The following PARD3 variants were observed in gnomAD, a reference collection of about 807,000 sequenced individuals.
PARD3 encodes par-3 family cell polarity regulator.
PARD3 carries 75 observed loss-of-function variants against 155.4 expected under a neutral mutation model. The ratio of observed to expected loss-of-function variants is 0.48; its 90% confidence interval spans 0.40 to 0.58. The LOEUF (loss-of-function observed/expected upper bound fraction) is 0.58, where lower values mean the gene tolerates loss of function less well. PARD3 is among the 20% of genes least tolerant of loss of function. PARD3 has a pLI of 0.00. For missense variants in PARD3, 1,642 were observed against 1,721.7 expected (o/e 0.95, Z 0.82); for synonymous variants, 576 against 610.5 (o/e 0.94, Z 0.83).
At chr10:34,488,092 T>C (rs1285634927) in intron 3 of PARD3, among the ~76,000 whole-genome samples, 3 of 152,270 alleles carry the variant, frequency 2.0e-5, no homozygotes, top group South Asian at 2.1e-4. Context: ...GCCAATTTCA[T>C]TTGCCAGTTT....
At chr10:34,644,933 A>G (rs1289131880) in intron 2 of PARD3, among the ~76,000 whole-genome samples, 1 of 152,174 alleles carries the variant, frequency 6.6e-6, no homozygotes, top group Non-Finnish European at 1.5e-5. Context: ...GGCCCACTTC[A>G]GCCTTGAACT....
At chr10:34,758,461 G>A (rs1015748797) in intron 1 of PARD3, among the ~76,000 whole-genome samples, 2 of 152,170 alleles carry the variant, frequency 1.3e-5, no homozygotes, top group African/African-American at 2.4e-5. Flanking sequence ...ATAACCATCT[G>A]CAGAAGAGCA....
intron 5 of PARD3, among the ~76,000 whole-genome samples, chr10:34,432,041 C>CAAAGAAA (rs2075953260): frequency 4.6e-5 from 1 of 21,596 alleles, no homozygotes; most frequent in African/African-American, 1.2e-4. Flanking sequence ...GACTCTGTCT[C>CAAAGAAA]AAAAAAAAAA....
In PARD3 at chr10:34,790,349, A is replaced by G. The variant is rs140406462; in HGVS notation, c.120+24527T>C. On this transcript the variant is annotated intron_variant, in intron 1 of 24. Coordinates refer to ENST00000374788, the MANE Select transcript of PARD3 (RefSeq NM_001184785.2). Reference sequence around the variant, plus strand: ...GAACAGTAATGACGCTGATGCAGAAACAAGAGGAAAAAATATGCTAAAATT... The same window carrying G: ...GAACAGTAATGACGCTGATGCAGAAGCAAGAGGAAAAAATATGCTAAAATT... Among the ~76,000 whole-genome samples the G allele has an allele frequency of 3.0e-4, 46 of 152,338 alleles. No individual in the cohort carries two copies. The East Asian group carries it at 3.7e-3, about 12-fold the overall frequency.
At chr10:34,764,739 G>A (rs1037234079) in intron 1 of PARD3, among the ~76,000 whole-genome samples, 2 of 152,140 alleles carry the variant, frequency 1.3e-5, no homozygotes, top group Non-Finnish European at 2.9e-5. Flanking sequence ...GAAAGAAAAT[G>A]AAGGCAAAAC....
rs150646337 is a variant in PARD3, at chr10:34,326,181, A to G, written c.2833+4936T>C. On this transcript the variant is annotated intron_variant, in intron 19 of 24. Transcript: ENST00000374788. ...AGGATTCTATCATTCAAAACACTTCAGATGTCAATATTCATTGCACTTTCT... is the reference window on the plus strand; with the variant it reads ...AGGATTCTATCATTCAAAACACTTCGGATGTCAATATTCATTGCACTTTCT... Among the ~76,000 whole-genome samples the G allele has an allele frequency of 2.6e-3, 399 of 152,150 alleles. 1 individual carries two copies. The highest frequency in any genetic ancestry group is 9.0e-3 in the African/African-American group (375 of 41,496).
At chr10:34,271,659 G>A (rs1370360146) in intron 21 of PARD3, among the ~76,000 whole-genome samples, 1 of 152,166 alleles carries the variant, frequency 6.6e-6, no homozygotes, top group African/African-American at 2.4e-5. Flanking sequence ...TCCTACCACT[G>A]TAATTCCACA....
chr10:34,654,195 A>G (rs547728037), intron 2 of PARD3, among the ~76,000 whole-genome samples: 1 of 152,184 alleles, frequency 6.6e-6, no homozygotes, highest in African/African-American at 2.4e-5. Flanking sequence ...AAGTTCAAAG[A>G]ACTACTGTAA....
intron 2 of PARD3, among the ~76,000 whole-genome samples, chr10:34,676,501 C>A (rs1328292467): frequency 1.3e-5 from 2 of 152,170 alleles, no homozygotes; most frequent in Non-Finnish European, 2.9e-5. Flanking sequence ...CACATCTCAT[C>A]TTTAAGATGA....
chr10:34,454,496 A>G (rs953475568), intron 4 of PARD3, among the ~76,000 whole-genome samples: 2 of 152,168 alleles, frequency 1.3e-5, no homozygotes, highest in African/African-American at 4.8e-5. Flanking sequence ...CTCACTTATG[A>G]ATCAAATTAT....
At chr10:34,544,194 T>G (rs1697374803) in intron 2 of PARD3, among the ~76,000 whole-genome samples, 1 of 152,230 alleles carries the variant, frequency 6.6e-6, no homozygotes, top group Admixed American at 6.5e-5. Flanking sequence ...AAAAAAATGT[T>G]TAAGTGAATA....
At chr10:34,508,359 T>C (rs561665152) in intron 3 of PARD3, among the ~76,000 whole-genome samples, 1 of 152,124 alleles carries the variant, frequency 6.6e-6, no homozygotes, top group Non-Finnish European at 1.5e-5. Context: ...GCAACACCAT[T>C]TCCAGAAATT....
chr10:34,388,907 A>C (rs1001520654), intron 7 of PARD3, among the ~76,000 whole-genome samples: 2 of 152,154 alleles, frequency 1.3e-5, no homozygotes, highest in Non-Finnish European at 2.9e-5. Flanking sequence ...AAGAGAAAAG[A>C]GTTGGGCATT....
intron 3 of PARD3, among the ~76,000 whole-genome samples, chr10:34,510,103 G>A (rs1007563539): frequency 3.3e-5 from 5 of 152,176 alleles, no homozygotes. Context: ...GAGTAATACT[G>A]ATGTAACAAA....
In PARD3 at chr10:34,246,031, C is replaced by A. The variant is rs577452238; in HGVS notation, c.3419+23626G>T. ...AAGGTGGGGATCAGCAGTGAAGACA[C>A]AGGAGAGCACTAGTGACCAAGGAAG... On this transcript the variant is annotated intron_variant, in intron 22 of 24. Transcript: ENST00000374788. Among the ~76,000 whole-genome samples the A allele has an allele frequency of 3.9e-5, 6 of 152,326 alleles. No individual in the cohort carries two copies. In the South Asian group the frequency reaches 1.2e-3, roughly 32 times the overall value.
At chr10:34,387,896 C>A (rs1842505578) in intron 7 of PARD3, among the ~76,000 whole-genome samples, 1 of 152,020 alleles carries the variant, frequency 6.6e-6, no homozygotes, top group Non-Finnish European at 1.5e-5. Flanking sequence ...TAAATAAGTC[C>A]TCATCAATGG....
chr10:34,133,015 C>A (rs1023125611), intron 22 of PARD3, among the ~76,000 whole-genome samples: 1 of 152,086 alleles, frequency 6.6e-6, no homozygotes, highest in Admixed American at 6.5e-5. Flanking sequence ...ATCTTCCCAC[C>A]CCATCCCCTT....
intron 4 of PARD3, among the ~76,000 whole-genome samples, chr10:34,461,248 T>G (rs1158000692): frequency 6.6e-6 from 1 of 152,196 alleles, no homozygotes; most frequent in Non-Finnish European, 1.5e-5. Context: ...TAGATCTAAC[T>G]TCACAACTCA....
chr10:34,704,740 G>A (rs1403731202), intron 1 of PARD3, among the ~76,000 whole-genome samples: 1 of 152,154 alleles, frequency 6.6e-6, no homozygotes, highest in Non-Finnish European at 1.5e-5. Context: ...ATGTCACATT[G>A]AGAAACACAA....
Sources: allele counts gnomAD v4.1 joint callset (sites outside exome capture counted in the v4.1 genomes callset), GRCh38; gene constraint gnomAD v4.1.1; transcripts MANE v1.5; gene names NCBI Gene and HGNC (gene_info 2026-07-23, HGNC 2026-07-21).